BLMH: variants seen among roughly 807,000 people sequenced by gnomAD.
The protein encoded by BLMH is BLM hydrolase.
Under a neutral mutation model 61.6 loss-of-function variants are expected in BLMH, and 32 were observed. The observed-to-expected ratio is 0.52, with a 90% CI of 0.39 to 0.70. The LOEUF (loss-of-function observed/expected upper bound fraction) is 0.70, where lower values mean the gene tolerates loss of function less well. Among genes scored for constraint, BLMH ranks in the 30% least tolerant of loss-of-function variants. The probability of loss-of-function intolerance (pLI) is 0.00; values close to 1 mark genes in which losing one functional copy is unlikely to be tolerated. For synonymous variants in BLMH, 183 were observed against 193.8 expected, an observed-to-expected ratio of 0.94 and a Z score of 0.46; for missense variants, 460 against 555.5, an observed-to-expected ratio of 0.83 and a Z score of 1.73.
At chr17:30,255,787 C>G (rs551460615) in intron 11 of BLMH, among the ~76,000 whole-genome samples, 1 of 152,180 alleles carries the variant, frequency 6.6e-6, no homozygotes, top group Non-Finnish European at 1.5e-5. Context: ...GTCCCAGTCA[C>G]TCGGGAGGCT....
chr17:30,259,474 C>T (rs1036242189), intron 11 of BLMH, among the ~76,000 whole-genome samples: 18 of 152,176 alleles, frequency 1.2e-4, no homozygotes, highest in African/African-American at 4.3e-4. Flanking sequence ...CCTTTTCAAT[C>T]ACCTCAGCTT....
In BLMH at chr17:30,272,727, G is replaced by T; in HGVS notation, c.960+14C>A. 2 of 1,614,090 alleles carry T rather than the reference G, an allele frequency of 1.2e-6. No individual in the cohort carries two copies. The highest frequency in any genetic ancestry group is 1.7e-6 in the Non-Finnish European group (2 of 1,180,010). ...TTTTAACCCCAATGTGCAAAATACA[G>T]AAACAATACCAACCTCTCCATCTTT... On this transcript the variant is annotated intron_variant, in intron 8 of 11. Transcript: ENST00000261714.
intron 11 of BLMH, chr17:30,249,433 G>A: frequency 2.4e-6 from 1 of 416,542 alleles, no homozygotes. Context: ...TCAGAGCTGG[G>A]CCTTGGACCT....
intron 4 of BLMH, among the ~76,000 whole-genome samples, chr17:30,287,563 A>T (rs1164839629): frequency 6.6e-6 from 1 of 152,244 alleles, no homozygotes; most frequent in Non-Finnish European, 1.5e-5. Context: ...ATGGAAAATT[A>T]GTTCTCCTTA....
rs375099478 is a variant in BLMH, at chr17:30,266,941, C to T, written c.1160G>A (p.Gly387Asp). 1.1e-5 allele frequency: 18 copies of T among 1,613,956 alleles called. No individual in the cohort carries two copies. Among genetic ancestry groups the T allele is most frequent in the Non-Finnish European group, 1.4e-5 (16 of 1,179,972 alleles). The change falls in exon 11 of 12, where the codon GGT becomes GAT. Residue 387 changes from glycine to aspartate, a missense_variant. By Grantham distance (94) the Gly-to-Asp change is moderately conservative. Around this residue, in one of 5 missense-constraint regions of BLMH, gnomAD observed 310 missense variants for 371.1 expected, o/e 0.84. Coordinates refer to ENST00000261714, the MANE Select transcript of BLMH (RefSeq NM_000386.4). ...CTCCACTCTCCATTTTGTGAAAGCA[C>T]CATCCTGATCATCCTGCAAAAAAGT... is the stretch of plus-strand genomic sequence containing the variant. Reference protein sequence around the residue: ...TAVSEKDDQDGAFTKWRVENS... With the variant: ...TAVSEKDDQDDAFTKWRVENS...
chr17:30,272,215 G>C lies in BLMH; in HGVS notation c.1028+346C>G, dbSNP rs184715408. 664 of 270,926 alleles carry C rather than the reference G, an allele frequency of 2.5e-3. 8 individuals carry two copies. Among genetic ancestry groups the C allele is most frequent in the Non-Finnish European group, 7.0e-4 (100 of 142,970 alleles). 16.8% of individuals were successfully genotyped at this position (270,926 alleles called of 1,614,324 possible). On this transcript the variant is annotated intron_variant, in intron 9 of 11. Transcript: ENST00000261714. Reference sequence around the variant, plus strand: ...AGTTACCAAAGTAACATAGCAAACGGGGGCTCTGGAAAATCTTTCATTACA... The same window carrying C: ...AGTTACCAAAGTAACATAGCAAACGCGGGCTCTGGAAAATCTTTCATTACA...
At chr17:30,273,617 G>C in intron 7 of BLMH, 2 of 188,580 alleles carry the variant, frequency 1.1e-5, no homozygotes, top group Non-Finnish European at 2.1e-5. Flanking sequence ...CCTCCTACTA[G>C]GCAGATGAGG....
At chr17:30,280,237 C>A (rs1459133962) in intron 6 of BLMH, among the ~76,000 whole-genome samples, 1 of 152,156 alleles carries the variant, frequency 6.6e-6, no homozygotes, top group Non-Finnish European at 1.5e-5. Context: ...TGAATTGGGG[C>A]AAACTCTCAT....
At chr17:30,269,324 G>A (rs1360974190) in intron 10 of BLMH, among the ~76,000 whole-genome samples, 1 of 151,276 alleles carries the variant, frequency 6.6e-6, no homozygotes, top group Non-Finnish European at 1.5e-5. Context: ...GGAATTACAG[G>A]TGCACGCCAC....
At chr17:30,290,618 T>C (rs529661783) in intron 2 of BLMH, among the ~76,000 whole-genome samples, 5 of 152,346 alleles carry the variant, frequency 3.3e-5, no homozygotes, top group South Asian at 2.1e-4. Context: ...TTTTTAAGTA[T>C]AGAAAGACTT....
intron 11 of BLMH, among the ~76,000 whole-genome samples, chr17:30,253,616 G>A (rs111716554): frequency 2.6e-5 from 4 of 152,192 alleles, no homozygotes; most frequent in African/African-American, 4.8e-5. Context: ...TTTGACTTGC[G>A]GGAAGGTGCA....
At chr17:30,276,801 A>G (rs1043644751) in intron 6 of BLMH, among the ~76,000 whole-genome samples, 2 of 152,238 alleles carry the variant, frequency 1.3e-5, no homozygotes, top group African/African-American at 4.8e-5. Flanking sequence ...ACCATCATTC[A>G]TATCAATATA....
chr17:30,269,472 C>T (rs994843195), intron 10 of BLMH, among the ~76,000 whole-genome samples: 5 of 152,082 alleles, frequency 3.3e-5, no homozygotes, highest in African/African-American at 7.2e-5. Context: ...TGAGTCACTG[C>T]ACCCGGTCTA....
rs1006450453 is a variant in BLMH, at chr17:30,291,868, G to A, written c.-49C>T. On this transcript the variant is annotated 5_prime_UTR_variant, in exon 1 of 12. Coordinates refer to ENST00000261714, the MANE Select transcript of BLMH (RefSeq NM_000386.4). ...TAACGGTAGCTTCCAGGGTCCTTGGGCGAGCGCCGGGATTGCGCTGCGGCT... is the reference window on the plus strand; with the variant it reads ...TAACGGTAGCTTCCAGGGTCCTTGGACGAGCGCCGGGATTGCGCTGCGGCT... 7 of 1,288,696 alleles carry A rather than the reference G, an allele frequency of 5.4e-6. No individual in the cohort carries two copies. Among genetic ancestry groups the A allele is most frequent in the Non-Finnish European group, 5.9e-6 (6 of 1,022,326 alleles). The allele number at this position is 1,288,696 out of a possible 1,614,324, so 79.8% of individuals were successfully genotyped here.
Position 30,272,403 on chromosome 17 carries a change from T to C in BLMH, c.1028+158A>G, listed in dbSNP as rs891620701. On this transcript the variant is annotated intron_variant, in intron 9 of 11. Coordinates refer to ENST00000261714, the MANE Select transcript of BLMH (RefSeq NM_000386.4). ...GTGTTTAAGTATGTGGAGTTTCTGCTATGAGTCCTCAAACTCTAAAGGATG... is the reference window on the plus strand; with the variant it reads ...GTGTTTAAGTATGTGGAGTTTCTGCCATGAGTCCTCAAACTCTAAAGGATG... The C allele has an allele frequency of 3.9e-6, 3 of 770,220 alleles. No individual in the cohort carries two copies. In the Admixed American group the frequency reaches 6.4e-5, roughly 17 times the overall value. 47.7% of individuals were successfully genotyped at this position (770,220 alleles called of 1,614,324 possible).
At chr17:30,281,091 TG>T (rs1360673090) in intron 6 of BLMH, among the ~76,000 whole-genome samples, 85 of 146,020 alleles carry the variant, frequency 5.8e-4, no homozygotes, top group South Asian at 1.3e-3. Flanking sequence ...GTTTCTTTGT[TG>T]TTTTTTTTTT....
chr17:30,280,431 C>T (rs1445349202), intron 6 of BLMH, among the ~76,000 whole-genome samples: 2 of 152,108 alleles, frequency 1.3e-5, no homozygotes, highest in African/African-American at 4.8e-5. Context: ...ATATTAGTTA[C>T]TTCTACTGTA....
chr17:30,287,969 A>G, intron 3 of BLMH, 22 bp from the exon 4 acceptor site: 3 of 1,595,858 alleles, frequency 1.9e-6, no homozygotes, highest in Admixed American at 1.8e-5. Context: ...AGAAAGTTAA[A>G]TAACATTAAA....
intron 11 of BLMH, among the ~76,000 whole-genome samples, chr17:30,259,522 C>T (rs918965122): frequency 1.3e-5 from 2 of 152,122 alleles, no homozygotes; most frequent in Non-Finnish European, 2.9e-5. Flanking sequence ...AGGGGAGGTA[C>T]TCCCTAGTTC....
Sources: gnomAD v4.1 joint callset for allele counts (sites outside exome capture counted in the v4.1 genomes callset) on GRCh38, gnomAD v4.1.1 for gene constraint, gnomAD v4.1.1 regional missense constraint, MANE v1.5 for transcripts, NCBI Gene and HGNC (gene_info 2026-07-23, HGNC 2026-07-21) for gene names.